Variants in EYS observed in about 807,000 individuals in gnomAD.
EYS encodes protein eyes shut homolog.
Under a neutral mutation model 282.1 loss-of-function variants are expected in EYS, and 250 were observed. The ratio of observed to expected loss-of-function variants is 0.89; its 90% CI spans 0.80 to 0.98. The LOEUF (loss-of-function observed/expected upper bound fraction) is 0.98, where lower values mean the gene tolerates loss of function less well. EYS is among the 50% of genes least tolerant of loss of function. The probability of loss-of-function intolerance (pLI) is 0.00; values close to 1 mark genes in which losing one functional copy is unlikely to be tolerated. For missense variants in EYS, 4,016 were observed against 3,709.0 expected (o/e 1.08, Z -2.15); for synonymous variants, 1,355 against 1,282.9 (o/e 1.06, Z -1.20).
intron 5 of EYS, among the ~76,000 whole-genome samples, chr6:65,438,318 C>T (rs1466276560): frequency 1.3e-5 from 2 of 152,006 alleles, no homozygotes; most frequent in Non-Finnish European, 1.5e-5. Flanking sequence ...AATAAACATA[C>T]GTGTGCATGT....
chr6:64,318,099 G>A (rs1770049951), intron 29 of EYS, among the ~76,000 whole-genome samples: 1 of 151,974 alleles, frequency 6.6e-6, no homozygotes, highest in Non-Finnish European at 1.5e-5. Context: ...GATGGGTGGA[G>A]AAAAGCACCA....
At chr6:64,870,525 AG>A (rs1766564361) in intron 19 of EYS, among the ~76,000 whole-genome samples, 1 of 151,654 alleles carries the variant, frequency 6.6e-6, no homozygotes, top group African/African-American at 2.4e-5. Context: ...AAACATCACA[AG>A]GCATAGTGAA....
chr6:64,592,085 C>A, intron 25 of EYS, 96 bp from the exon 26 acceptor site: 1 of 735,418 alleles, frequency 1.4e-6, no homozygotes, highest in South Asian at 2.2e-5. Flanking sequence ...GCACTGGCAC[C>A]TTACATCCAT....
intron 26 of EYS, among the ~76,000 whole-genome samples, chr6:64,572,352 T>C (rs529359581): frequency 6.6e-6 from 1 of 152,288 alleles, no homozygotes; most frequent in East Asian, 1.9e-4. Context: ...CGCATTCCCT[T>C]TGAAAACCAG....
At chr6:65,555,369 TTCTTC>T (rs1047448404) in intron 2 of EYS, among the ~76,000 whole-genome samples, 2 of 152,090 alleles carry the variant, frequency 1.3e-5, no homozygotes, top group African/African-American at 2.4e-5. Flanking sequence ...AGAGTTTTAT[TTCTTC>T]TCTTATCTTT....
intron 2 of EYS, among the ~76,000 whole-genome samples, chr6:65,565,012 G>A (rs1276443376): frequency 1.8e-5 from 1 of 56,490 alleles, no homozygotes; most frequent in Non-Finnish European, 2.8e-5. Flanking sequence ...TTGGGAGGCC[G>A]AGGCGGGCGG....
rs530206680 is a variant in EYS, at chr6:64,907,832, A to T, written c.2641+4652T>A. On this transcript the variant is annotated intron_variant, in intron 16 of 42. Transcript: ENST00000503581. ...TGTCTTAGCTTGGGTTGTTCCAAAA[A>T]TAAAATAAAAAAAAAAGTCTGAGAT... Among the ~76,000 whole-genome samples, 419 of 152,176 alleles carry T rather than the reference A, an allele frequency of 2.8e-3. 1 individual carries two copies. The highest frequency in any genetic ancestry group is 6.2e-3 in the South Asian group (30 of 4,822).
intron 28 of EYS, among the ~76,000 whole-genome samples, chr6:64,424,496 G>GA (rs1424508797): frequency 6.6e-6 from 1 of 152,146 alleles, no homozygotes; most frequent in Non-Finnish European, 1.5e-5. Flanking sequence ...CGACCCTACT[G>GA]AAACAGAACT....
At chr6:63,983,801 T>C (rs919673598) in intron 35 of EYS, among the ~76,000 whole-genome samples, 1 of 151,738 alleles carries the variant, frequency 6.6e-6, no homozygotes, top group Non-Finnish European at 1.5e-5. Flanking sequence ...TCAGGGTTGA[T>C]TCAGTTAAGA....
At chr6:65,237,769 A>G (rs1203940208) in intron 12 of EYS, among the ~76,000 whole-genome samples, 1 of 152,186 alleles carries the variant, frequency 6.6e-6, no homozygotes, top group Non-Finnish European at 1.5e-5. Context: ...TAACATTGAA[A>G]TACTGTTATA....
Position 65,362,355 on chromosome 6 carries a change from C to T in EYS, c.1300-8738G>A, listed in dbSNP as rs1195557661. On this transcript the variant is annotated intron_variant, in intron 8 of 42. Coordinates refer to ENST00000503581, the MANE Select transcript of EYS (RefSeq NM_001142800.2). ...AATCTCACAATTCCTAAAGGCAATA[C>T]ATTCTAGAACATCGTTACTCCAAGA... Among the ~76,000 whole-genome samples, 6 of 152,130 alleles carry T rather than the reference C, an allele frequency of 3.9e-5. No individual in the cohort carries two copies. In the East Asian group the frequency reaches 1.2e-3, roughly 29 times the overall value.
At chr6:65,292,115 C>T (rs112511845) in intron 12 of EYS, among the ~76,000 whole-genome samples, 6 of 151,498 alleles carry the variant, frequency 4.0e-5, no homozygotes, top group African/African-American at 1.2e-4. Flanking sequence ...AATATCATGG[C>T]GAATTTTGGG....
intron 7 of EYS, among the ~76,000 whole-genome samples, chr6:65,397,390 A>C (rs948305246): frequency 4.6e-5 from 7 of 151,892 alleles, no homozygotes; most frequent in African/African-American, 1.7e-4. Flanking sequence ...CACCTTTTAG[A>C]GTCTCCAATA....
chr6:65,577,415 A>G (rs540465908), intron 2 of EYS, among the ~76,000 whole-genome samples: 2 of 152,036 alleles, frequency 1.3e-5, no homozygotes, highest in East Asian at 3.9e-4. Context: ...ATCTCTATCT[A>G]AAATCAACTC....
At chr6:64,511,334 G>A (rs901102804) in intron 26 of EYS, among the ~76,000 whole-genome samples, 8 of 135,816 alleles carry the variant, frequency 5.9e-5, no homozygotes, top group African/African-American at 2.7e-4. Flanking sequence ...TCCAAATGGA[G>A]GAATTCTTCA....
intron 12 of EYS, among the ~76,000 whole-genome samples, chr6:65,213,385 A>C: frequency 6.6e-6 from 1 of 152,266 alleles, no homozygotes; most frequent in Admixed American, 6.5e-5. Flanking sequence ...TTGTTTTATT[A>C]TTCTTTGCTT....
chr6:64,582,841 G>A (rs541696844), intron 26 of EYS, among the ~76,000 whole-genome samples: 10 of 152,134 alleles, frequency 6.6e-5, no homozygotes, highest in Admixed American at 2.0e-4. Context: ...ACAAAAGCAC[G>A]GGGCTTTCAT....
At chr6:63,963,866 A>G (rs1766188963) in intron 35 of EYS, among the ~76,000 whole-genome samples, 2 of 152,180 alleles carry the variant, frequency 1.3e-5, no homozygotes, top group Admixed American at 1.3e-4. Context: ...TATAAGATCT[A>G]TGTTCTTTGA....
At chr6:64,254,466 A>G (rs893872412) in intron 30 of EYS, among the ~76,000 whole-genome samples, 2 of 151,956 alleles carry the variant, frequency 1.3e-5, no homozygotes, top group Non-Finnish European at 2.9e-5. Context: ...TGTATTTTAG[A>G]CTATTTGGCC....
Sources: allele counts gnomAD v4.1 joint callset (sites outside exome capture counted in the v4.1 genomes callset), GRCh38; gene constraint gnomAD v4.1.1; transcripts MANE v1.5; gene names NCBI Gene and HGNC (gene_info 2026-07-23, HGNC 2026-07-21).